The following KIAA1217 variants were observed in gnomAD, a reference collection of about 807,000 sequenced individuals.
The protein encoded by KIAA1217 is KIAA1217.
A neutral mutation model predicts 163.9 loss-of-function variants in KIAA1217; 88 were observed. The observed-to-expected ratio is 0.54, with a 90% CI of 0.45 to 0.64. KIAA1217 has a LOEUF of 0.64. Ranked by LOEUF, KIAA1217 falls within the 30% of genes least tolerant of loss-of-function variation. The pLI is 0.00. For synonymous variants in KIAA1217, 903 were observed against 923.1 expected, an observed-to-expected ratio of 0.98 and a Z score of 0.39; for missense variants, 2,372 against 2,475.0, an observed-to-expected ratio of 0.96 and a Z score of 0.88.
chr10:24,228,031 C>A (rs1229888754), intron 2 of KIAA1217, among the ~76,000 whole-genome samples: 3 of 152,040 alleles, frequency 2.0e-5, no homozygotes, highest in African/African-American at 7.2e-5. Context: ...ATAATCTCAA[C>A]ACCTAGGGAG....
chr10:24,273,883 G>T (rs1011991065), intron 2 of KIAA1217, among the ~76,000 whole-genome samples: 1 of 151,328 alleles, frequency 6.6e-6, no homozygotes, highest in African/African-American at 2.4e-5. Flanking sequence ...AGTTACTGTT[G>T]CAGGGATTGG....
At chr10:23,705,434 G>A (rs745705412) in intron 1 of KIAA1217, among the ~76,000 whole-genome samples, 8 of 152,040 alleles carry the variant, frequency 5.3e-5, no homozygotes, top group Admixed American at 6.6e-5. Flanking sequence ...TTTGTATATG[G>A]TGTGAGGAAG....
intron 1 of KIAA1217, among the ~76,000 whole-genome samples, chr10:23,769,476 T>C (rs1834700215): frequency 6.6e-6 from 1 of 152,196 alleles, no homozygotes; most frequent in African/African-American, 2.4e-5. Context: ...TTGGCTAATT[T>C]GTTAGTCCTA....
At chr10:24,356,045 A>T (rs927736143) in intron 2 of KIAA1217, among the ~76,000 whole-genome samples, 1 of 151,992 alleles carries the variant, frequency 6.6e-6, no homozygotes, top group African/African-American at 2.4e-5. Context: ...CCACACCTGG[A>T]CAGCAAGTCC....
chr10:23,735,572 C>T (rs958869457), intron 1 of KIAA1217, among the ~76,000 whole-genome samples: 5 of 150,672 alleles, frequency 3.3e-5, no homozygotes, highest in African/African-American at 7.3e-5. Flanking sequence ...GTTTATTTGC[C>T]ATTTTTGGGT....
chr10:23,859,368 A>G (rs1168289957), intron 1 of KIAA1217, among the ~76,000 whole-genome samples: 1 of 152,102 alleles, frequency 6.6e-6, no homozygotes, highest in Non-Finnish European at 1.5e-5. Flanking sequence ...TAGGCACTAA[A>G]CTCTCTATAT....
At chr10:23,906,651 G>A (rs1443661738) in intron 1 of KIAA1217, among the ~76,000 whole-genome samples, 4 of 152,100 alleles carry the variant, frequency 2.6e-5, no homozygotes, top group African/African-American at 9.7e-5. Flanking sequence ...TCCCCAACAT[G>A]CATTTGGTTT....
At chr10:24,036,416 G>A (rs141884985) in intron 2 of KIAA1217, among the ~76,000 whole-genome samples, 17 of 152,314 alleles carry the variant, frequency 1.1e-4, no homozygotes, top group South Asian at 4.1e-4. Flanking sequence ...ACTGAAGATG[G>A]TTCAGGAAGA....
intron 2 of KIAA1217, among the ~76,000 whole-genome samples, chr10:24,346,951 G>T (rs1324305585): frequency 6.6e-6 from 1 of 152,170 alleles, no homozygotes; most frequent in African/African-American, 2.4e-5. Context: ...AGCCATTTTA[G>T]AATCTGAAGA....
chr10:24,136,900 C>G (rs1182714026), intron 2 of KIAA1217, among the ~76,000 whole-genome samples: 1 of 152,140 alleles, frequency 6.6e-6, no homozygotes, highest in Non-Finnish European at 1.5e-5. Flanking sequence ...TTTACAAAAG[C>G]ATTAAGCCTA....
chr10:23,800,300 A>T lies in KIAA1217; in HGVS notation c.-321+105066A>T, dbSNP rs916379178. Among the ~76,000 whole-genome samples the T allele has an allele frequency of 3.9e-5, 6 of 152,220 alleles. No individual in the cohort carries two copies. In the South Asian group the frequency reaches 1.0e-3, roughly 26 times the overall value. On this transcript the variant is annotated intron_variant, in intron 1 of 18. Coordinates refer to the KIAA1217 transcript ENST00000376462. ...ATAAAACCATGTAAATTACAATAAG[A>T]TTAAATAAACAACCGAGGGAGCAAA...
At chr10:23,889,854 C>G (rs921818604) in intron 1 of KIAA1217, among the ~76,000 whole-genome samples, 5 of 151,616 alleles carry the variant, frequency 3.3e-5, no homozygotes, top group South Asian at 2.1e-4. Flanking sequence ...TTGCTAAATT[C>G]TATTCATTTT....
chr10:24,134,282 G>A (rs1346311371), intron 2 of KIAA1217, among the ~76,000 whole-genome samples: 1 of 152,212 alleles, frequency 6.6e-6, no homozygotes, highest in Non-Finnish European at 1.5e-5. Context: ...AACATAAAAA[G>A]GTAAGGAGAC....
intron 1 of KIAA1217, among the ~76,000 whole-genome samples, chr10:23,947,021 C>G (rs1844082314): frequency 6.6e-6 from 1 of 152,002 alleles, no homozygotes; most frequent in Admixed American, 6.6e-5. Context: ...GGCGCTTTTC[C>G]CCATTTTGCT....
intron 2 of KIAA1217, among the ~76,000 whole-genome samples, chr10:24,026,742 A>ATTTTTTTTTTTTTTTTTTTTTTG: frequency 1.4e-5 from 1 of 70,094 alleles, no homozygotes; most frequent in African/African-American, 5.9e-5. Flanking sequence ...TATTTCATTG[A>ATTTTTTTTTTTTTTTTTTTTTTG]TTTTTTTTTT....
chr10:23,794,364 G>A (rs150326324), intron 1 of KIAA1217, among the ~76,000 whole-genome samples: 15 of 152,256 alleles, frequency 9.9e-5, no homozygotes, highest in Admixed American at 3.3e-4. Context: ...AAGTTGATTC[G>A]TAAGGAAACC....
At chr10:23,706,316 A>G (rs1335231229) in intron 1 of KIAA1217, among the ~76,000 whole-genome samples, 1 of 152,174 alleles carries the variant, frequency 6.6e-6, no homozygotes, top group Non-Finnish European at 1.5e-5. Context: ...GTTAAACAGA[A>G]GTAGCACAGG....
chr10:24,131,136 A>G (rs1392185480), intron 2 of KIAA1217, among the ~76,000 whole-genome samples: 1 of 152,230 alleles, frequency 6.6e-6, no homozygotes. Flanking sequence ...TTTTATTAAA[A>G]ATAGCATTAA....
intron 10 of KIAA1217, among the ~76,000 whole-genome samples, chr10:24,515,165 C>G (rs2069875594): frequency 6.6e-6 from 1 of 151,750 alleles, no homozygotes; most frequent in African/African-American, 2.4e-5. Flanking sequence ...CTCCTGGGTT[C>G]AAGCCTATTC....
Sources: gnomAD v4.1 joint callset for allele counts (sites outside exome capture counted in the v4.1 genomes callset) on GRCh38, gnomAD v4.1.1 for gene constraint, MANE v1.5 for transcripts, NCBI Gene and HGNC (gene_info 2026-07-23, HGNC 2026-07-21) for gene names.